The following C3orf20 variants were observed in gnomAD, a reference collection of about 807,000 sequenced individuals.
The protein encoded by C3orf20 is uncharacterized protein C3orf20.
C3orf20 carries 76 observed loss-of-function variants against 88.3 expected under a neutral mutation model. The ratio of observed to expected loss-of-function variants is 0.86; its 90% CI spans 0.72 to 1.04. The LOEUF (loss-of-function observed/expected upper bound fraction) is 1.04. Ranked by LOEUF, C3orf20 falls within the 50% of genes least tolerant of loss-of-function variation. C3orf20 has a pLI of 0.00. For missense variants in C3orf20, 1,056 were observed against 1,123.3 expected, an observed-to-expected ratio of 0.94 and a Z score of 0.86; for synonymous variants, 436 against 437.4, an observed-to-expected ratio of 1.00 and a Z score of 0.04.
chr3:14,684,661 G>T (rs529828308), intron 4 of C3orf20, among the ~76,000 whole-genome samples: 1 of 152,184 alleles, frequency 6.6e-6, no homozygotes, highest in Admixed American at 6.5e-5. Flanking sequence ...CTCAAGCTAC[G>T]TGCAGTGAAG....
At chr3:14,716,492 A>G (rs1207533292) in intron 9 of C3orf20, among the ~76,000 whole-genome samples, 1 of 152,124 alleles carries the variant, frequency 6.6e-6, no homozygotes, top group Non-Finnish European at 1.5e-5. Context: ...TTCATCCTCT[A>G]CACTGGCCAC....
chr3:14,686,209 T>TGTGTGTGTGTGTGTGA (rs1336087890), intron 4 of C3orf20, among the ~76,000 whole-genome samples: 3 of 152,138 alleles, frequency 2.0e-5, no homozygotes, highest in African/African-American at 7.2e-5. Context: ...TGTGTGTGTG[T>TGTGTGTGTGTGTGTGA]GTGACATTTT....
chr3:14,756,661 G>A (rs1305935676), intron 12 of C3orf20, among the ~76,000 whole-genome samples: 1 of 152,166 alleles, frequency 6.6e-6, no homozygotes, highest in South Asian at 2.1e-4. Context: ...AACAGCAAAG[G>A]CCACTATCCT....
chr3:14,755,173 G>A (rs973195127), intron 12 of C3orf20, among the ~76,000 whole-genome samples: 1 of 151,998 alleles, frequency 6.6e-6, no homozygotes, highest in Non-Finnish European at 1.5e-5. Context: ...TTCTATGGCA[G>A]GAGTTTCAAA....
At chr3:14,739,590 G>C (rs1052342663) in intron 12 of C3orf20, among the ~76,000 whole-genome samples, 1 of 152,202 alleles carries the variant, frequency 6.6e-6, no homozygotes, top group Non-Finnish European at 1.5e-5. Context: ...AAAAGAGTCA[G>C]CCTGTCCTTT....
At chr3:14,721,585 T>C in intron 9 of C3orf20, 68 bp from the exon 10 acceptor site, 1 of 1,579,994 alleles carries the variant, frequency 6.3e-7, no homozygotes, top group African/African-American at 1.3e-5. Flanking sequence ...TGCTTCGTGG[T>C]GGGTCAGGAA....
Position 14,680,330 on chromosome 3 carries a change from T to A in C3orf20, c.-298-1840T>A, listed in dbSNP as rs568728914. ...AATATTACTCTGTCATTAAAAGGAG[T>A]GAAGTACTGATACATGCTATATAAC... is the stretch of plus-strand genomic sequence containing the variant. On this transcript the variant is annotated intron_variant, in intron 1 of 16. Transcript: ENST00000253697. Among the ~76,000 whole-genome samples, 5 of 151,582 alleles carry A rather than the reference T, an allele frequency of 3.3e-5. No homozygotes were observed. In the South Asian group the frequency reaches 1.0e-3, roughly 32 times the overall value.
chr3:14,744,873 G>C (rs892904573), intron 12 of C3orf20, among the ~76,000 whole-genome samples: 4 of 152,242 alleles, frequency 2.6e-5, no homozygotes, highest in Admixed American at 6.5e-5. Flanking sequence ...AATTCTGGGA[G>C]ATAAATGCAA....
At chr3:14,699,945 C>A (rs149668490) in intron 5 of C3orf20, among the ~76,000 whole-genome samples, 32 of 152,310 alleles carry the variant, frequency 2.1e-4, no homozygotes, top group East Asian at 1.5e-3. Flanking sequence ...ATGGGTAATT[C>A]CCCTTTGGCT....
rs1273536351 is a variant in C3orf20 at position 14,747,422 on chromosome 3, T to G, written c.1941-9949T>G. ...AAGCGTAAACCTTGTCTTTTGAAAT[T>G]TACACCAAATTATCTAGCCTCAGTT... is the stretch of plus-strand genomic sequence containing the variant. On this transcript the variant is annotated intron_variant, in intron 12 of 16. Transcript: ENST00000253697. 5.3e-5 allele frequency among the ~76,000 whole-genome samples: 8 copies of G among 152,260 alleles called. No individual in the cohort carries two copies. The South Asian group carries it at 1.7e-3, about 32-fold the overall frequency.
intron 10 of C3orf20, among the ~76,000 whole-genome samples, chr3:14,723,821 T>G (rs1351762021): frequency 1.8e-5 from 1 of 54,700 alleles, no homozygotes; most frequent in Admixed American, 2.0e-4. Flanking sequence ...TATTTTATTT[T>G]ATTTTATTTT....
chr3:14,692,472 T>A (rs2032782490), intron 5 of C3orf20, among the ~76,000 whole-genome samples: 1 of 152,240 alleles, frequency 6.6e-6, no homozygotes, highest in South Asian at 2.1e-4. Context: ...CTTGTAGTTT[T>A]AATTTGCATT....
At chr3:14,681,995 C>T (rs766724116) in intron 1 of C3orf20, among the ~76,000 whole-genome samples, 175 bp from the exon 2 acceptor site, 1 of 152,324 alleles carries the variant, frequency 6.6e-6, no homozygotes, top group Admixed American at 6.5e-5. Context: ...CCAACTTTAA[C>T]ATCTCTGAAA....
In C3orf20 at chr3:14,690,018, C is replaced by T. The variant is rs868866593; in HGVS notation, c.647C>T (p.Ala216Val). The T allele has an allele frequency of 6.2e-7, 1 of 1,614,038 alleles. No individual in the cohort carries two copies. Among genetic ancestry groups the T allele is most frequent in the Non-Finnish European group, 8.5e-7 (1 of 1,180,012 alleles). ...LWKESLANMSAIGVNSPYQLI... is the reference protein window; with the variant it reads ...LWKESLANMSVIGVNSPYQLI... ...CCAGAGTCCCTCGCAAACATGTCCG[C>T]CATTGGGGTGAACTCGCCTTACCAG... The change falls in exon 5 of 17, where the codon GCC becomes GTC. Residue 216 changes from alanine to valine, a missense_variant. Coordinates refer to ENST00000253697, the MANE Select transcript of C3orf20 (RefSeq NM_032137.5).
At chr3:14,754,306 T>G (rs2035301264) in intron 12 of C3orf20, among the ~76,000 whole-genome samples, 1 of 152,146 alleles carries the variant, frequency 6.6e-6, no homozygotes, top group South Asian at 2.1e-4. Flanking sequence ...TAAAACAAAG[T>G]CAAGCTCTGA....
rs1484655857 is a variant in C3orf20, at chr3:14,772,805, A to G, written c.2645A>G (p.Glu882Gly). 4 of 1,613,716 alleles carry G rather than the reference A, an allele frequency of 2.5e-6. No homozygotes were observed. The highest frequency in any genetic ancestry group is 2.5e-6 in the Non-Finnish European group (3 of 1,179,642). ...TTGATCTTTAGGACAAGAGAGCCTG[A>G]AGTGGAGCTACATCCTCTCAGCAGG... ...SLEAEKTREP[E>G]VELHPLSRDS... Residue 882 changes from glutamate (E) to glycine (G), a missense_variant, in exon 17 of 17, where the codon GAA becomes GGA. Transcript: ENST00000253697. This position sits in a 1 kb window ranked among gnomAD's most constrained non-coding sequence, Gnocchi z 4.2.
At chr3:14,732,127 C>G (rs534098800) in intron 12 of C3orf20, among the ~76,000 whole-genome samples, 1 of 152,316 alleles carries the variant, frequency 6.6e-6, no homozygotes, top group South Asian at 2.1e-4. Flanking sequence ...TATGAGAGTT[C>G]CAATTGCTCC....
intron 12 of C3orf20, among the ~76,000 whole-genome samples, chr3:14,736,777 G>A (rs2034724577): frequency 6.6e-6 from 1 of 151,838 alleles, no homozygotes; most frequent in African/African-American, 2.4e-5. Context: ...ATGTTGCTCA[G>A]GCTGATCTCA....
At chr3:14,677,080 T>C (rs1439725235) in intron 1 of C3orf20, among the ~76,000 whole-genome samples, 2 of 152,200 alleles carry the variant, frequency 1.3e-5, no homozygotes, top group South Asian at 2.1e-4. Context: ...TGCTCACAAA[T>C]TGCAGTCACG....
Sources: gnomAD v4.1 joint callset for allele counts (sites outside exome capture counted in the v4.1 genomes callset) on GRCh38, gnomAD v4.1.1 for gene constraint, Gnocchi (gnomAD v3.1) non-coding constraint, MANE v1.5 for transcripts, NCBI Gene and HGNC (gene_info 2026-07-23, HGNC 2026-07-21) for gene names.